Variants in ID4 observed in about 807,000 individuals in gnomAD.
ID4 encodes DNA-binding protein inhibitor ID-4.
In ID4, 9 loss-of-function variants were observed where a neutral mutation model predicts 8.6. That is an observed-to-expected ratio of 1.04 (90% CI 0.63 to 1.82). ID4 has a LOEUF of 1.82. ID4 is among the 40% of genes most tolerant of loss of function. The probability of loss-of-function intolerance (pLI) is 0.00; values close to 1 mark genes in which losing one functional copy is unlikely to be tolerated. For missense variants in ID4, 270 were observed against 235.1 expected (o/e 1.15, Z -0.97); for synonymous variants, 180 against 118.0 (o/e 1.53, Z -3.41).
chr6:19,838,329 T>TCCGGGCTCCC, intron 1 of ID4, 134 bp downstream of exon 1: 5 of 1,033,272 alleles, frequency 4.8e-6, no homozygotes, highest in South Asian at 4.3e-5. Flanking sequence ...CCCCTGCTCC[T>TCCGGGCTCCC]CCGGGCTCCC....
rs1215188075 is a variant in ID4 at position 19,838,717 on chromosome 6, C to T, written c.*14+75C>T. 3.8e-5 allele frequency: 51 copies of T among 1,337,496 alleles called. No individual in the cohort carries two copies. In the Admixed American group the frequency reaches 5.7e-4, roughly 15 times the overall value. The allele number at this position is 1,337,496 out of a possible 1,614,324, so 82.9% of individuals were successfully genotyped here. The stretch of plus-strand genomic sequence containing the variant: ...CCCCGAGGGCTTCCGGGGCCAGGCA[C>T]CGCGGTGTTCTTTGCCCCCAGCGTT... On this transcript the variant is annotated intron_variant, in intron 2 of 2. Transcript: ENST00000378700.
Position 19,837,617 on chromosome 6 carries a change from C to G in ID4, c.-138C>G. 1 of 426,310 alleles carries G rather than the reference C, an allele frequency of 2.3e-6. No homozygotes were observed. Among genetic ancestry groups the G allele is most frequent in the Non-Finnish European group, 3.3e-6 (1 of 301,574 alleles). The allele number at this position is 426,310 out of a possible 1,614,324, so 26.4% of individuals were successfully genotyped here. On this transcript the variant is annotated 5_prime_UTR_variant, in exon 1 of 3. Coordinates refer to ENST00000378700, the MANE Select transcript of ID4 (RefSeq NM_001546.4). ...CGACCCTCCCGTCAATTGTTGGGCTCGGGAGTGTCGCGGTGCCCCGAGCGC... is the reference window on the plus strand; with the variant it reads ...CGACCCTCCCGTCAATTGTTGGGCTGGGGAGTGTCGCGGTGCCCCGAGCGC...
In ID4 at chr6:19,840,541, AC is replaced by A. The variant is rs1400013293; in HGVS notation, c.*1348del. On this transcript the variant is annotated 3_prime_UTR_variant, in exon 3 of 3. Transcript: ENST00000378700. Reference sequence around the variant, plus strand: ...GATCTTCAAACATTAACTTAAGCAGACCAAAAATTCTGATGACCGCATCTAG... The same window carrying A: ...GATCTTCAAACATTAACTTAAGCAGACAAAAATTCTGATGACCGCATCTAG... The A allele has an allele frequency of 6.6e-6, 1 of 152,628 alleles. No homozygotes were observed. Among genetic ancestry groups the A allele is most frequent in the African/African-American group, 2.4e-5 (1 of 41,464 alleles). The allele number at this position is 152,628 out of a possible 1,614,324, so 9.5% of individuals were successfully genotyped here. A position where few individuals can be genotyped will look rare whatever the true frequency, so the allele number is the denominator to read the frequency against.
In ID4 at chr6:19,838,117, C is replaced by T. The variant is rs1159448964; in HGVS notation, c.363C>T (p.Pro121=). The change falls in exon 1 of 3, where the codon CCC becomes CCT. Residue 121 remains proline (P), a synonymous_variant. Transcript: ENST00000378700. ...HPALLRQPPP[P]APPHHPAGTC... Reference sequence around the variant, plus strand: ...CCCTGCTGAGGCAGCCACCACCGCCCGCGCCGCCACACCACCCGGCCGGGA... The same window carrying T: ...CCCTGCTGAGGCAGCCACCACCGCCTGCGCCGCCACACCACCCGGCCGGGA... 4.4e-6 allele frequency: 7 copies of T among 1,586,164 alleles called. No homozygotes were observed. The highest frequency in any genetic ancestry group is 4.6e-5 in the East Asian group (2 of 43,060).
intron 2 of ID4, chr6:19,838,890 T>G: frequency 1.8e-6 from 1 of 552,998 alleles, no homozygotes; most frequent in South Asian, 2.1e-5. Flanking sequence ...TTTTTTCTGG[T>G]GGTCAGCGGG....
chr6:19,837,745 G>A lies in ID4; in HGVS notation c.-10G>A. ...GCGGGTTCGCTCGCGTAGAGCGCAG[G>A]GCGCGCGCGATGAAGGCGGTGAGCC... On this transcript the variant is annotated 5_prime_UTR_variant, in exon 1 of 3. Transcript: ENST00000378700. 8.9e-7 allele frequency: 1 copy of A among 1,125,874 alleles called. No homozygotes were observed. Among genetic ancestry groups the A allele is most frequent in the East Asian group, 4.6e-5 (1 of 21,702 alleles). 69.7% of individuals were successfully genotyped at this position (1,125,874 alleles called of 1,614,324 possible).
chr6:19,838,950 G>C (rs1761296099), intron 2 of ID4: 1 of 430,902 alleles, frequency 2.3e-6, no homozygotes, highest in Non-Finnish European at 4.2e-6. Context: ...GTGGGCATGG[G>C]AGCTGCCCCG....
chr6:19,839,915 T>TTC lies in ID4; in HGVS notation c.*720_*721insTC, dbSNP rs1238877603. Reference sequence around the variant, plus strand: ...ATTACAGAGCTCTTGATATCTTGAATGTCTTTTCTGTTTGGCCTGGCTCTT... The same window carrying TTC: ...ATTACAGAGCTCTTGATATCTTGAATTCGTCTTTTCTGTTTGGCCTGGCTCTT... On this transcript the variant is annotated 3_prime_UTR_variant, in exon 3 of 3. Coordinates refer to ENST00000378700, the MANE Select transcript of ID4 (RefSeq NM_001546.4). The TTC allele has an allele frequency of 6.6e-6, 1 of 152,238 alleles. No individual in the cohort carries two copies. The highest frequency in any genetic ancestry group is 1.5e-5 in the Non-Finnish European group (1 of 68,012). 9.4% of individuals were successfully genotyped at this position (152,238 alleles called of 1,614,324 possible).
chr6:19,840,570 TA>T lies in ID4; in HGVS notation c.*1376del, dbSNP rs918958359. ...AAAATTCTGATGACCGCATCTAGATTATTTTTTTATAAAAATGATTTTCACT... is the reference window on the plus strand; with the variant it reads ...AAAATTCTGATGACCGCATCTAGATTTTTTTTTATAAAAATGATTTTCACT... On this transcript the variant is annotated 3_prime_UTR_variant, in exon 3 of 3. Transcript: ENST00000378700. 2 of 152,616 alleles carry T rather than the reference TA, an allele frequency of 1.3e-5. No individual in the cohort carries two copies. The highest frequency in any genetic ancestry group is 2.9e-5 in the Non-Finnish European group (2 of 68,018). The allele number at this position is 152,616 out of a possible 1,614,324, so 9.5% of individuals were successfully genotyped here.
chr6:19,841,700 A>G lies in ID4; in HGVS notation c.*2505A>G, dbSNP rs1250771973. 6.6e-6 allele frequency among the ~76,000 whole-genome samples: 1 copy of G among 152,204 alleles called. No homozygotes were observed. Among genetic ancestry groups the G allele is most frequent in the Non-Finnish European group, 1.5e-5 (1 of 68,022 alleles). On this transcript the variant is annotated 3_prime_UTR_variant, in exon 3 of 3. Transcript: ENST00000378700. ...TTGATGTATCTAAAGAAACAAAGTC[A>G]TTGTTTATTTTTTAAAAAATTATAT...
chr6:19,841,972 G>A lies in ID4; in HGVS notation c.*2777G>A, dbSNP rs1163427377. Among the ~76,000 whole-genome samples the A allele has an allele frequency of 6.6e-6, 1 of 152,128 alleles. No homozygotes were observed. Among genetic ancestry groups the A allele is most frequent in the East Asian group, 1.9e-4 (1 of 5,190 alleles). ...AAAAGTATCCCACACAGTGGATGTT[G>A]TTTCTAAGAATGCTACAAAATCCTG... On this transcript the variant is annotated 3_prime_UTR_variant, in exon 3 of 3. Coordinates refer to ENST00000378700, the MANE Select transcript of ID4 (RefSeq NM_001546.4).
chr6:19,837,904 T>G lies in ID4; in HGVS notation c.150T>G (p.Cys50Trp). The change falls in exon 1 of 3, where the codon TGT becomes TGG. Residue 50 changes from cysteine to tryptophan, a missense_variant. Coordinates refer to ENST00000378700, the MANE Select transcript of ID4 (RefSeq NM_001546.4). ...AAAAAAAAAR[C>W]KAAEAAADEP... is the part of the protein sequence containing the mutation. ...CGGCGGCGGCGGCGGCAGCGCGCTG[T>G]AAGGCGGCCGAGGCGGCGGCCGACG... 7.1e-7 allele frequency: 1 copy of G among 1,407,180 alleles called. No individual in the cohort carries two copies. The allele number at this position is 1,407,180 out of a possible 1,614,324, so 87.2% of individuals were successfully genotyped here.
chr6:19,838,253 G>T (rs1218801496), intron 1 of ID4, 58 bp downstream of exon 1: 30 of 1,296,012 alleles, frequency 2.3e-5, no homozygotes, highest in Non-Finnish European at 2.9e-5. Context: ...GGTTGGTGGC[G>T]TGGTGGCGGG....
At position 19,840,408 on chromosome 6, in the gene ID4, ACT is replaced by A. The variant is rs1007805966; in HGVS notation, c.*1216_*1217del. Reference sequence around the variant, plus strand: ...TTCTCTGCTTGCTACCAAAGGACAAACTCTTGGAAATGAACACTTTCTGCTTT... The same window carrying A: ...TTCTCTGCTTGCTACCAAAGGACAAACTTGGAAATGAACACTTTCTGCTTT... On this transcript the variant is annotated 3_prime_UTR_variant, in exon 3 of 3. Coordinates refer to ENST00000378700, the MANE Select transcript of ID4 (RefSeq NM_001546.4). The A allele has an allele frequency of 1.3e-5, 2 of 152,528 alleles. No individual in the cohort carries two copies. Among genetic ancestry groups the A allele is most frequent in the Admixed American group, 1.3e-4 (2 of 15,274 alleles). 9.4% of individuals were successfully genotyped at this position (152,528 alleles called of 1,614,324 possible). A position where few individuals can be genotyped will look rare whatever the true frequency, so the allele number is the denominator to read the frequency against.
Position 19,837,813 on chromosome 6 carries a change from G to T in ID4, c.59G>T (p.Gly20Val). Residue 20 changes from glycine (G) to valine (V), a missense_variant, in exon 1 of 3, where the codon GGC (glycine) becomes GTC (valine). By Grantham distance (109) the Gly-to-Val change is moderately radical. Around this residue, in one of 3 missense-constraint regions of ID4, gnomAD observed 160 missense variants for 131.5 expected, o/e 1.22. Transcript: ENST00000378700. The stretch of plus-strand genomic sequence containing the variant: ...CGCAAGGCGCCGTCGGGCTGCGGCG[G>T]CGGGGAGCTGGCGCTGCGCTGCCTG... ...SGRKAPSGCG[G>V]GELALRCLAE... 3 of 1,136,934 alleles carry T rather than the reference G, an allele frequency of 2.6e-6. No individual in the cohort carries two copies. Among genetic ancestry groups the T allele is most frequent in the Non-Finnish European group, 3.2e-6 (3 of 928,042 alleles). The allele number at this position is 1,136,934 out of a possible 1,614,324, so 70.4% of individuals were successfully genotyped here. A position where few individuals can be genotyped will look rare whatever the true frequency, so the allele number is the denominator to read the frequency against.
chr6:19,837,436 GC>G lies in ID4; in HGVS notation c.-318del. ...AGTGGGGTGATCCCGGGCTAGGGGA[GC>G]GCGGCGGCCGCGATCGGGCTTAGTC... On this transcript the variant is annotated 5_prime_UTR_variant, in exon 1 of 3. Coordinates refer to ENST00000378700, the MANE Select transcript of ID4 (RefSeq NM_001546.4). The G allele has an allele frequency of 6.4e-6, 1 of 156,184 alleles. No individual in the cohort carries two copies. Among genetic ancestry groups the G allele is most frequent in the Non-Finnish European group, 1.4e-5 (1 of 70,864 alleles). The allele number at this position is 156,184 out of a possible 1,614,324, so 9.7% of individuals were successfully genotyped here.
chr6:19,838,709 GC>G, intron 2 of ID4, 67 bp downstream of exon 2: 2 of 1,404,926 alleles, frequency 1.4e-6, no homozygotes, highest in Non-Finnish European at 2.0e-6. Flanking sequence ...GGCTTCCGGG[GC>G]CAGGCACCGC....
Position 19,837,671 on chromosome 6 carries a change from C to A in ID4, c.-84C>A. ...GGGCGCGGAGGCAAAGGGAGCGGAG[C>A]CGGCCGCGGACGGGGCCCGGAGCTT... On this transcript the variant is annotated 5_prime_UTR_variant, in exon 1 of 3. Coordinates refer to ENST00000378700, the MANE Select transcript of ID4 (RefSeq NM_001546.4). The A allele has an allele frequency of 1.0e-6, 1 of 971,646 alleles. No individual in the cohort carries two copies. Among genetic ancestry groups the A allele is most frequent in the Non-Finnish European group, 1.3e-6 (1 of 798,880 alleles). The allele number at this position is 971,646 out of a possible 1,614,324, so 60.2% of individuals were successfully genotyped here. A position where few individuals can be genotyped will look rare whatever the true frequency, so the allele number is the denominator to read the frequency against.
At chr6:19,839,073 G>A (rs1761301386) in intron 2 of ID4, 137 bp from the exon 3 acceptor site, 1 of 212,684 alleles carries the variant, frequency 4.7e-6, no homozygotes, top group African/African-American at 2.4e-5. Context: ...CGCCTGGCCC[G>A]GCCGCGGGCG....
Sources: gnomAD v4.1 joint callset for allele counts (sites outside exome capture counted in the v4.1 genomes callset) on GRCh38, gnomAD v4.1.1 for gene constraint, gnomAD v4.1.1 regional missense constraint, MANE v1.5 for transcripts, NCBI Gene and HGNC (gene_info 2026-07-23, HGNC 2026-07-21) for gene names.